Variants in TTLL12 observed in about 807,000 individuals in gnomAD.
TTLL12 encodes tubulin--tyrosine ligase-like protein 12.
Under a neutral mutation model 79.6 loss-of-function variants are expected in TTLL12, and 77 were observed. That is an observed-to-expected ratio of 0.97 (90% CI 0.81 to 1.17). TTLL12 has a LOEUF of 1.17. Ranked by LOEUF, TTLL12 falls within the 50% of genes most tolerant of loss-of-function variation. The pLI, the probability that TTLL12 is intolerant of heterozygous loss-of-function variation, is 0.00. For synonymous variants in TTLL12, 437 were observed against 376.1 expected (o/e 1.16, Z -1.87); for missense variants, 969 against 895.9 (o/e 1.08, Z -1.04).
intron 9 of TTLL12, among the ~76,000 whole-genome samples, chr22:43,172,783 T>C (rs894789860): frequency 6.6e-6 from 1 of 151,878 alleles, no homozygotes; most frequent in Non-Finnish European, 1.5e-5. Context: ...CTGCAACCTC[T>C]GCCTCCCGGG....
chr22:43,183,042 G>A lies in TTLL12; in HGVS notation c.285C>T (p.Asn95=), dbSNP rs140311334. ...EVRKQQPNPG[N]ELCYKVIVTR... ...TCACGATGACCTTGTAGCACAGCTC[G>A]TTCCCCGGGTTGGGCTGCTGCTTCC... Residue 95 remains asparagine (N), a synonymous_variant, in exon 2 of 14, where the codon AAC becomes AAT. Coordinates refer to ENST00000216129, the MANE Select transcript of TTLL12 (RefSeq NM_015140.4). The A allele has an allele frequency of 1.7e-5, 27 of 1,613,852 alleles. No homozygotes were observed. The African/African-American group carries it at 2.4e-4, about 14-fold the overall frequency.
At chr22:43,171,266 G>A (rs1052905358) in intron 11 of TTLL12, among the ~76,000 whole-genome samples, 4 of 152,146 alleles carry the variant, frequency 2.6e-5, no homozygotes, top group Non-Finnish European at 4.4e-5. Flanking sequence ...CTGGTTTCTC[G>A]CCCCCACCTT....
Position 43,187,095 on chromosome 22 carries a change from G to C in TTLL12, c.-26C>G. ...GGCGCCAGCACCCGCGCCGACTCCA[G>C]CGCCGCCACCGCCGCCGCCGCCCGC... On this transcript the variant is annotated 5_prime_UTR_variant, in exon 1 of 14. Coordinates refer to ENST00000216129, the MANE Select transcript of TTLL12 (RefSeq NM_015140.4). The C allele has an allele frequency of 1.8e-6, 2 of 1,112,952 alleles. No individual in the cohort carries two copies. The highest frequency in any genetic ancestry group is 2.2e-6 in the Non-Finnish European group (2 of 914,410). 68.9% of individuals were successfully genotyped at this position (1,112,952 alleles called of 1,614,324 possible).
rs114933757 is a variant in TTLL12 at position 43,179,289 on chromosome 22, G to A, written c.840+330C>T. ...TGAACACAGGGTGTTTCCATGCCTC[G>A]GTGAGATGAGGACAGGGGGCTGAGT... is the stretch of plus-strand genomic sequence containing the variant. On this transcript the variant is annotated intron_variant, in intron 5 of 13. Coordinates refer to ENST00000216129, the MANE Select transcript of TTLL12 (RefSeq NM_015140.4). Among the ~76,000 whole-genome samples the A allele has an allele frequency of 3.0e-3, 461 of 152,248 alleles. 2 individuals carry two copies. Among genetic ancestry groups the A allele is most frequent in the African/African-American group, 0.011 (437 of 41,544 alleles).
intron 1 of TTLL12, among the ~76,000 whole-genome samples, chr22:43,185,736 C>G (rs1268152993): frequency 1.3e-5 from 2 of 152,212 alleles, no homozygotes; most frequent in Non-Finnish European, 2.9e-5. Flanking sequence ...GAGTGACCGC[C>G]CGAGGGAGGG....
rs749050429 is a variant in TTLL12 at position 43,183,007 on chromosome 22, C to T, written c.320G>A (p.Ser107Asn). 2 of 1,613,856 alleles carry T rather than the reference C, an allele frequency of 1.2e-6. No individual in the cohort carries two copies. The highest frequency in any genetic ancestry group is 1.1e-5 in the South Asian group (1 of 91,086). ...LCYKVIVTRE[S>N]GLQAAHPNSI... ...GTTGGGGTGGGCTGCCTGGAGCCCGCTCTCCCTGGTCACGATGACCTTGTA... is the reference window on the plus strand; with the variant it reads ...GTTGGGGTGGGCTGCCTGGAGCCCGTTCTCCCTGGTCACGATGACCTTGTA... Residue 107 changes from serine (S) to asparagine (N), a missense_variant, in exon 2 of 14, where the codon AGC becomes AAC. Ser to Asn is a conservative substitution (Grantham distance 46). Transcript: ENST00000216129.
Position 43,167,998 on chromosome 22 carries a change from C to G in TTLL12, c.*10G>C. 6.2e-7 allele frequency: 1 copy of G among 1,611,940 alleles called. No individual in the cohort carries two copies. Among genetic ancestry groups the G allele is most frequent in the East Asian group, 2.2e-5 (1 of 44,818 alleles). ...CTGCCCCAAGCACAGGTTTTGGGGACAGCGAGTGCCTAGACAAGGCAGGTA... is the reference window on the plus strand; with the variant it reads ...CTGCCCCAAGCACAGGTTTTGGGGAGAGCGAGTGCCTAGACAAGGCAGGTA... On this transcript the variant is annotated 3_prime_UTR_variant, in exon 14 of 14. Transcript: ENST00000216129.
In TTLL12 at chr22:43,168,833, G is replaced by T; in HGVS notation, c.1724C>A (p.Pro575His). Residue 575 changes from proline (P) to histidine (H), a missense_variant, in exon 13 of 14, where the codon CCC becomes CAC. By Grantham distance (77) the Pro-to-His change is moderately conservative. Transcript: ENST00000216129. ...KPPPLGLCDY[P>H]SSRAMYAVDL... Reference sequence around the variant, plus strand: ...GACGGCATACATGGCCCGGGATGAGGGGTAGTCGCAGAGGCCCAGGGGTGG... The same window carrying T: ...GACGGCATACATGGCCCGGGATGAGTGGTAGTCGCAGAGGCCCAGGGGTGG... The T allele has an allele frequency of 6.3e-7, 1 of 1,599,358 alleles. No individual in the cohort carries two copies. The highest frequency in any genetic ancestry group is 8.5e-7 in the Non-Finnish European group (1 of 1,173,540).
Position 43,168,770 on chromosome 22 carries a change from T to G in TTLL12, c.1783+4A>C. Reference sequence around the variant, plus strand: ...TGGATCAGGAGATGGGGAGCCCCTCTTACCATCTGGGCCGTTGTCCCACTT... The same window carrying G: ...TGGATCAGGAGATGGGGAGCCCCTCGTACCATCTGGGCCGTTGTCCCACTT... On this transcript the variant is annotated splice_donor_region_variant and intron_variant, in intron 13 of 13. Transcript: ENST00000216129. 6.4e-7 allele frequency: 1 copy of G among 1,554,128 alleles called. No individual in the cohort carries two copies. Among genetic ancestry groups the G allele is most frequent in the Non-Finnish European group, 8.7e-7 (1 of 1,149,448 alleles).
intron 12 of TTLL12, among the ~76,000 whole-genome samples, chr22:43,169,207 G>A (rs749091897): frequency 3.9e-5 from 6 of 152,194 alleles, no homozygotes; most frequent in Non-Finnish European, 7.3e-5. Context: ...CCCAGCCAAC[G>A]TCTCCATATG....
chr22:43,182,300 G>T (rs35813213), intron 2 of TTLL12, among the ~76,000 whole-genome samples: 1 of 152,214 alleles, frequency 6.6e-6, no homozygotes, highest in Non-Finnish European at 1.5e-5. Flanking sequence ...TGGGCTGTCC[G>T]TATTTCCGGG....
Position 43,166,883 on chromosome 22 carries a change from T to C in TTLL12, c.*1125A>G, listed in dbSNP as rs1187354882. ...TTCAAAGAGGAGACACCGCTACACC[T>C]AGCCCTGCCCTCCCATGCACTGGAA... On this transcript the variant is annotated 3_prime_UTR_variant, in exon 14 of 14. Transcript: ENST00000216129. The C allele has an allele frequency of 4.6e-6, 1 of 217,248 alleles. No individual in the cohort carries two copies. 13.5% of individuals were successfully genotyped at this position (217,248 alleles called of 1,614,324 possible).
At chr22:43,173,602 C>G in intron 9 of TTLL12, 113 bp downstream of exon 9, 3 of 1,007,356 alleles carry the variant, frequency 3.0e-6, no homozygotes, top group Non-Finnish European at 4.3e-6. Context: ...TGTAAGCCAC[C>G]CTGCCCAGCC....
chr22:43,185,881 T>C (rs1478396346), intron 1 of TTLL12: 2 of 855,344 alleles, frequency 2.3e-6, no homozygotes, highest in Non-Finnish European at 2.8e-6. Flanking sequence ...GGGACCAGAG[T>C]GGTCCTCGGA....
In TTLL12 at chr22:43,172,403, C is replaced by G. The variant is rs756238086; in HGVS notation, c.1493G>C (p.Arg498Pro). The stretch of plus-strand genomic sequence containing the variant: ...TGGACCCAGCCGGCCCTCCACTTAC[C>G]GGTTGGAGAACCGCAGCCAGAACAC... ...YDVFWLRFSN[R>P]AFALNDLDDY... is the part of the protein sequence containing the mutation. Residue 498 changes from arginine (R) to proline (P), a missense_variant and splice_region_variant, in exon 10 of 14, where the codon CGG becomes CCG. By Grantham distance (103) the Arg-to-Pro change is moderately radical (BLOSUM62 -2). Transcript: ENST00000216129. 3 of 1,614,006 alleles carry G rather than the reference C, an allele frequency of 1.9e-6. No homozygotes were observed. Among genetic ancestry groups the G allele is most frequent in the South Asian group, 1.1e-5 (1 of 91,072 alleles).
At chr22:43,176,739 AAAAAAAAAAAAAAAGG>A (rs1931925701) in intron 5 of TTLL12, among the ~76,000 whole-genome samples, 1 of 150,500 alleles carries the variant, frequency 6.6e-6, no homozygotes, top group South Asian at 2.1e-4. Flanking sequence ...CAAAAAAAAA[AAAAAAAAAAAAAAAGG>A]AAAAGAAGGA....
chr22:43,174,681 C>T (rs932995108), intron 6 of TTLL12, 66 bp from the exon 7 acceptor site: 9 of 1,208,528 alleles, frequency 7.4e-6, no homozygotes, highest in Non-Finnish European at 9.4e-6. Context: ...CCAGCACTAG[C>T]CCTGGCTCAG....
At chr22:43,179,780 AG>A in intron 4 of TTLL12, 28 bp from the exon 5 acceptor site, 3 of 1,548,430 alleles carry the variant, frequency 1.9e-6, no homozygotes, top group Non-Finnish European at 2.6e-6. Flanking sequence ...TGCCCATCAG[AG>A]GGGGTGACGG....
At chr22:43,186,109 T>C (rs966205881) in intron 1 of TTLL12, 9 of 601,992 alleles carry the variant, frequency 1.5e-5, no homozygotes, top group Admixed American at 1.3e-4. Flanking sequence ...GGGTTTCCAC[T>C]TCATCACCTG....
Sources: gnomAD v4.1 joint callset for allele counts (sites outside exome capture counted in the v4.1 genomes callset) on GRCh38, gnomAD v4.1.1 for gene constraint, MANE v1.5 for transcripts, NCBI Gene and HGNC (gene_info 2026-07-23, HGNC 2026-07-21) for gene names.